NEXMIF: variants seen among roughly 807,000 people sequenced by gnomAD.
NEXMIF encodes neurite extension and migration factor.
Under a neutral mutation model 62.1 loss-of-function variants are expected in NEXMIF, and 8 were observed. The observed-to-expected ratio is 0.13, with a 90% confidence interval of 0.08 to 0.23. The LOEUF is 0.23. Among genes scored for constraint, NEXMIF ranks in the 10% least tolerant of loss-of-function variants. The pLI, the probability that NEXMIF is intolerant of heterozygous loss-of-function variation, is 1.00. For synonymous variants in NEXMIF, 404 were observed against 416.6 expected (o/e 0.97, Z 0.37); for missense variants, 976 against 1,113.3 (o/e 0.88, Z 1.75).
At chrX:74,789,437 G>A (rs2080271322) in intron 1 of NEXMIF, among the ~76,000 whole-genome samples, 1 of 109,353 alleles carries the variant, frequency 9.1e-6, no homozygotes, top group African/African-American at 3.3e-5. Context: ...ATAAACATAT[G>A]TGTGCATGTG....
intron 1 of NEXMIF, among the ~76,000 whole-genome samples, chrX:74,789,513 T>C (rs1299542530): frequency 3.6e-5 from 4 of 111,067 alleles, no homozygotes; most frequent in Admixed American, 1.9e-4. Flanking sequence ...CTGGGTCAAA[T>C]GGTATTTCCA....
chrX:74,824,037 T>C (rs2080406419), intron 1 of NEXMIF, among the ~76,000 whole-genome samples: 2 of 111,399 alleles, frequency 1.8e-5, no homozygotes, highest in Admixed American at 9.6e-5. Context: ...TCCCCTCCAG[T>C]TGGTCCTCAT....
chrX:74,875,441 T>C (rs2080626796), intron 1 of NEXMIF, among the ~76,000 whole-genome samples: 1 of 112,030 alleles, frequency 8.9e-6, no homozygotes, highest in African/African-American at 3.3e-5. Flanking sequence ...TCAAGGATAT[T>C]GGTCTAAAAT....
In NEXMIF at chrX:74,742,379, A is replaced by G. The variant is rs1436930670; in HGVS notation, c.2178T>C (p.Ala726=). 8.3e-7 allele frequency: 1 copy of G among 1,211,260 alleles called. No homozygotes were observed. Among genetic ancestry groups the G allele is most frequent in the African/African-American group, 1.7e-5 (1 of 57,735 alleles). ...VLNKIKFKSE[A]RLKSKKVKAA... ...CTTTGACTTTCTTAGATTTTAACCT[A>G]GCTTCACTTTTAAATTTGATTTTAT... The change falls in exon 3 of 4, where the codon GCT becomes GCC. Residue 726 remains alanine (A), a synonymous_variant. Coordinates refer to ENST00000055682, the MANE Select transcript of NEXMIF (RefSeq NM_001008537.3).
chrX:74,753,046 C>A (rs770454775), intron 1 of NEXMIF, among the ~76,000 whole-genome samples: 1 of 111,782 alleles, frequency 8.9e-6, no homozygotes, highest in Admixed American at 9.5e-5. Context: ...TCTGAGAATG[C>A]ATTTATATAA....
chrX:74,767,808 C>T (rs1395667926), intron 1 of NEXMIF, among the ~76,000 whole-genome samples: 1 of 111,853 alleles, frequency 8.9e-6, no homozygotes, highest in Non-Finnish European at 1.9e-5. Flanking sequence ...GCTTGCCCTC[C>T]CTCTGGGAGC....
At chrX:74,853,528 C>T (rs2080523425) in intron 1 of NEXMIF, among the ~76,000 whole-genome samples, 1 of 109,752 alleles carries the variant, frequency 9.1e-6, no homozygotes, top group African/African-American at 3.3e-5. Flanking sequence ...CCATCATTTA[C>T]ATATAAAAGC....
chrX:74,777,169 AT>A (rs1321260525), intron 1 of NEXMIF, among the ~76,000 whole-genome samples: 1 of 111,860 alleles, frequency 8.9e-6, no homozygotes, highest in African/African-American at 3.2e-5. Context: ...AGGAATTAGC[AT>A]TACTATATTA....
chrX:74,896,368 A>G (rs1446862682), intron 1 of NEXMIF, among the ~76,000 whole-genome samples: 1 of 111,965 alleles, frequency 8.9e-6, no homozygotes, highest in Non-Finnish European at 1.9e-5. Context: ...CACTCTGGCC[A>G]GTAGGTAATG....
At chrX:74,821,390 A>G (rs886389032) in intron 1 of NEXMIF, among the ~76,000 whole-genome samples, 1 of 112,128 alleles carries the variant, frequency 8.9e-6, no homozygotes, top group Admixed American at 9.5e-5. Flanking sequence ...ACAAAAACCT[A>G]TAACTCAAAT....
intron 1 of NEXMIF, among the ~76,000 whole-genome samples, chrX:74,822,809 A>G (rs1417138113): frequency 1.8e-5 from 2 of 112,064 alleles, no homozygotes; most frequent in Non-Finnish European, 3.8e-5. Context: ...TGCTTTAGAA[A>G]ACAGTTTGGT....
intron 1 of NEXMIF, among the ~76,000 whole-genome samples, chrX:74,758,989 C>T (rs1216881337): frequency 8.9e-6 from 1 of 112,325 alleles, no homozygotes; most frequent in South Asian, 3.7e-4. Flanking sequence ...CTACTTTTCA[C>T]ATTGGTCAAA....
At chrX:74,888,231 TATAC>T (rs1176004754) in intron 1 of NEXMIF, among the ~76,000 whole-genome samples, 2 of 107,824 alleles carry the variant, frequency 1.9e-5, no homozygotes, top group Non-Finnish European at 3.8e-5. Context: ...ATGGCACATG[TATAC>T]ATATGTAACA....
chrX:74,826,065 C>A (rs1284088930), intron 1 of NEXMIF, among the ~76,000 whole-genome samples: 1 of 112,363 alleles, frequency 8.9e-6, no homozygotes, highest in Non-Finnish European at 1.9e-5. Flanking sequence ...AATGGTAGTT[C>A]TGTTTTTAGC....
intron 1 of NEXMIF, among the ~76,000 whole-genome samples, chrX:74,882,595 G>C (rs181727362): frequency 0.015 from 1,679 of 111,704 alleles, 19 homozygotes; most frequent in Non-Finnish European, 0.022. Context: ...AGTGAGGTTG[G>C]GGGAGGGGCG....
At chrX:74,835,919 A>G (rs1175394776) in intron 1 of NEXMIF, among the ~76,000 whole-genome samples, 2 of 112,220 alleles carry the variant, frequency 1.8e-5, no homozygotes, top group African/African-American at 3.2e-5. Flanking sequence ...TGGAGTTAAA[A>G]AAACATCAGA....
intron 1 of NEXMIF, chrX:74,769,775 A>T: frequency 1.8e-6 from 1 of 547,257 alleles, no homozygotes; most frequent in Non-Finnish European, 3.3e-6. Context: ...ATTGTATATG[A>T]AAAGGACCTC....
At chrX:74,776,420 T>C (rs1196604974) in intron 1 of NEXMIF, among the ~76,000 whole-genome samples, 2 of 111,538 alleles carry the variant, frequency 1.8e-5, no homozygotes, top group African/African-American at 6.5e-5. Flanking sequence ...GATCACTTTA[T>C]TCCTAGAAAA....
chrX:74,858,961 C>A (rs747362106), intron 1 of NEXMIF, among the ~76,000 whole-genome samples: 1 of 109,353 alleles, frequency 9.1e-6, no homozygotes, highest in South Asian at 4.0e-4. Context: ...TGAAAATACA[C>A]AGTAAGAGTA....
Sources: allele counts gnomAD v4.1 joint callset (sites outside exome capture counted in the v4.1 genomes callset), GRCh38; gene constraint gnomAD v4.1.1; transcripts MANE v1.5; gene names NCBI Gene and HGNC (gene_info 2026-07-23, HGNC 2026-07-21).